The following ZNHIT6 variants were observed in gnomAD, a reference collection of about 807,000 sequenced individuals.
ZNHIT6 encodes the protein zinc finger HIT-type containing 6.
Under a neutral mutation model 57.2 loss-of-function variants are expected in ZNHIT6, and 45 were observed. The observed-to-expected ratio is 0.79, with a 90% CI of 0.62 to 1.01. The LOEUF is 1.01. Ranked by LOEUF, ZNHIT6 falls within the 50% of genes least tolerant of loss-of-function variation. The probability of loss-of-function intolerance (pLI) is 0.00; values close to 1 mark genes in which losing one functional copy is unlikely to be tolerated. For synonymous variants in ZNHIT6, 188 were observed against 190.0 expected (o/e 0.99, Z 0.09); for missense variants, 528 against 567.3 (o/e 0.93, Z 0.70).
intron 8 of ZNHIT6, among the ~76,000 whole-genome samples, chr1:85,665,058 T>A (rs1212159499): frequency 6.6e-6 from 1 of 152,140 alleles, no homozygotes; most frequent in Admixed American, 6.5e-5. Flanking sequence ...CTCAAACTCC[T>A]GACCTCAGGT....
Position 85,650,545 on chromosome 1 carries a change from A to G in ZNHIT6, c.*3513T>C, listed in dbSNP as rs1369804616. On this transcript the variant is annotated 3_prime_UTR_variant, in exon 10 of 10. Transcript: ENST00000370574. ...AATGCAACAGAGTACAGCTTAGTCC[A>G]TTTTGTGTCGCTATAATAGAATATC... 6.6e-6 allele frequency: 1 copy of G among 152,210 alleles called. No homozygotes were observed. Among genetic ancestry groups the G allele is most frequent in the East Asian group, 1.9e-4 (1 of 5,204 alleles). The allele number at this position is 152,210 out of a possible 1,614,324, so 9.4% of individuals were successfully genotyped here.
chr1:85,656,083 C>A (rs1009966676), intron 9 of ZNHIT6, among the ~76,000 whole-genome samples: 4 of 152,132 alleles, frequency 2.6e-5, no homozygotes, highest in African/African-American at 9.7e-5. Flanking sequence ...CTTACATAAT[C>A]CCCTTCCCTC....
intron 5 of ZNHIT6, among the ~76,000 whole-genome samples, chr1:85,698,623 C>CTT (rs1662445917): frequency 6.6e-6 from 1 of 152,100 alleles, no homozygotes; most frequent in African/African-American, 2.4e-5. Context: ...GTTGCTTAAA[C>CTT]AAGCAATCAA....
intron 5 of ZNHIT6, among the ~76,000 whole-genome samples, chr1:85,682,325 C>A (rs936871108): frequency 6.6e-6 from 1 of 151,466 alleles, no homozygotes; most frequent in African/African-American, 2.4e-5. Flanking sequence ...CACCCGGCCT[C>A]ATTTTGTTCA....
intron 5 of ZNHIT6, among the ~76,000 whole-genome samples, chr1:85,690,643 T>G (rs923669588): frequency 6.6e-6 from 1 of 152,092 alleles, no homozygotes; most frequent in Non-Finnish European, 1.5e-5. Flanking sequence ...CTGAACTAAT[T>G]GAGAATAAGG....
chr1:85,682,178 ATTT>A (rs11394558), intron 5 of ZNHIT6, among the ~76,000 whole-genome samples: 3 of 130,186 alleles, frequency 2.3e-5, no homozygotes, highest in Admixed American at 7.9e-5. Flanking sequence ...CGCCCGGCTA[ATTT>A]TTTTTTTTTT....
rs146860406 is a variant in ZNHIT6 at position 85,708,061 on chromosome 1, A to C, written c.224T>G (p.Leu75Arg). ...GQRPEEIPMD[L>R]TVVKQEIIDW... ...TATAATTTCCTGCTTCACTACCGTT[A>C]GGTCCATCGGTATTTCCTCTGGCCT... Residue 75 changes from leucine (L) to arginine (R), a missense_variant, in exon 1 of 10, where the codon CTA becomes CGA. Physicochemically the swap from Leu to Arg is moderately radical, Grantham distance 102. Coordinates refer to ENST00000370574, the MANE Select transcript of ZNHIT6 (RefSeq NM_017953.4). 284 of 1,614,028 alleles carry C rather than the reference A, an allele frequency of 1.8e-4. 1 individual carries two copies. The African/African-American group carries it at 3.5e-3, about 20-fold the overall frequency.
rs777656330 is a variant in ZNHIT6, at chr1:85,657,990, C to A, written c.1248-19G>T. On this transcript the variant is annotated intron_variant, in intron 8 of 9. Transcript: ENST00000370574. ...ATAATATCTTATTAATAAAAAAAAACAAAAAACCAGGAAACACTCTTAATA... is the reference window on the plus strand; with the variant it reads ...ATAATATCTTATTAATAAAAAAAAAAAAAAAACCAGGAAACACTCTTAATA... 4 of 1,376,378 alleles carry A rather than the reference C, an allele frequency of 2.9e-6. No homozygotes were observed. Among genetic ancestry groups the A allele is most frequent in the African/African-American group, 3.0e-5 (2 of 66,476 alleles). 85.3% of individuals were successfully genotyped at this position (1,376,378 alleles called of 1,614,324 possible).
At chr1:85,693,032 C>T (rs561806623) in intron 5 of ZNHIT6, among the ~76,000 whole-genome samples, 3 of 152,188 alleles carry the variant, frequency 2.0e-5, no homozygotes, top group African/African-American at 7.2e-5. Flanking sequence ...AAACACAGAG[C>T]TAAAGAACCC....
chr1:85,662,426 T>C (rs1661251937), intron 8 of ZNHIT6, among the ~76,000 whole-genome samples: 2 of 152,182 alleles, frequency 1.3e-5, no homozygotes, highest in Admixed American at 6.5e-5. Flanking sequence ...CAATTTTTGA[T>C]ACTTAACTAT....
intron 8 of ZNHIT6, among the ~76,000 whole-genome samples, chr1:85,663,130 GT>G (rs1333643701): frequency 2.6e-5 from 4 of 152,108 alleles, no homozygotes; most frequent in Non-Finnish European, 4.4e-5. Context: ...CTACTCATGG[GT>G]TAGTTTGTAA....
rs1539444 is a variant in ZNHIT6, at chr1:85,707,615, C to T, written c.656+14G>A. 722,600 of 1,528,950 alleles carry T rather than the reference C, an allele frequency of 0.47. 172,190 individuals are homozygous for T. Among genetic ancestry groups the T allele is most frequent in the Admixed American group, 0.56 (25,215 of 45,398 alleles). 94.7% of individuals were successfully genotyped at this position (1,528,950 alleles called of 1,614,324 possible). On this transcript the variant is annotated intron_variant, in intron 1 of 9. Coordinates refer to ENST00000370574, the MANE Select transcript of ZNHIT6 (RefSeq NM_017953.4). ...ACAGCTTTATTCCCCTAAATGGAAT[C>T]CCCCATGCCCTACCTTGACATGGCC...
chr1:85,655,416 CT>C (rs1661034819), intron 9 of ZNHIT6, among the ~76,000 whole-genome samples: 1 of 152,168 alleles, frequency 6.6e-6, no homozygotes, highest in South Asian at 2.1e-4. Context: ...GGTATTTTCA[CT>C]AATTCCAGTA....
rs1660954144 is a variant in ZNHIT6, at chr1:85,652,939, T to G, written c.*1119A>C. ...ATACAGAGCTGCCATAACGTATAAG[T>G]TAAGCCATGTATATACATTAATACA... On this transcript the variant is annotated 3_prime_UTR_variant, in exon 10 of 10. Coordinates refer to ENST00000370574, the MANE Select transcript of ZNHIT6 (RefSeq NM_017953.4). 1 of 152,226 alleles carries G rather than the reference T, an allele frequency of 6.6e-6. No individual in the cohort carries two copies. Among genetic ancestry groups the G allele is most frequent in the South Asian group, 2.1e-4 (1 of 4,834 alleles). 9.4% of individuals were successfully genotyped at this position (152,226 alleles called of 1,614,324 possible).
At chr1:85,696,922 G>T in intron 5 of ZNHIT6, among the ~76,000 whole-genome samples, 1 of 147,496 alleles carries the variant, frequency 6.8e-6, no homozygotes, top group South Asian at 2.2e-4. Context: ...GTGCAGTGGC[G>T]CAATCTCGGC....
chr1:85,699,789 A>C (rs1345902949), intron 5 of ZNHIT6, among the ~76,000 whole-genome samples: 8 of 152,178 alleles, frequency 5.3e-5, no homozygotes, highest in Admixed American at 5.2e-4. Flanking sequence ...TGTTATGTAT[A>C]ATAATTAAAA....
At chr1:85,665,867 A>G (rs899435147) in intron 8 of ZNHIT6, among the ~76,000 whole-genome samples, 1 of 152,150 alleles carries the variant, frequency 6.6e-6, no homozygotes, top group African/African-American at 2.4e-5. Flanking sequence ...ATAGAATGGT[A>G]TTATTTTAGA....
At chr1:85,702,875 T>C (rs1170358717) in intron 4 of ZNHIT6, among the ~76,000 whole-genome samples, 1 of 152,160 alleles carries the variant, frequency 6.6e-6, no homozygotes, top group Non-Finnish European at 1.5e-5. Flanking sequence ...TCCAGAGTTA[T>C]GAAGGAAGTA....
chr1:85,674,866 C>A (rs558013191), intron 8 of ZNHIT6, among the ~76,000 whole-genome samples: 47 of 152,210 alleles, frequency 3.1e-4, no homozygotes, highest in African/African-American at 1.1e-3. Context: ...GCCTCTTCTT[C>A]CAAAATTCAA....
Sources: allele counts gnomAD v4.1 joint callset (sites outside exome capture counted in the v4.1 genomes callset), GRCh38; gene constraint gnomAD v4.1.1; transcripts MANE v1.5; gene names NCBI Gene and HGNC (gene_info 2026-07-23, HGNC 2026-07-21).